SLC8A1: variants seen among roughly 807,000 people sequenced by gnomAD.
SLC8A1 encodes sodium/calcium exchanger 1.
SLC8A1 carries 18 observed loss-of-function variants against 68.3 expected under a neutral mutation model. The observed-to-expected ratio is 0.26, with a 90% CI of 0.18 to 0.39. SLC8A1 has a LOEUF of 0.39. Ranked by LOEUF, SLC8A1 falls within the 10% of genes least tolerant of loss-of-function variation. The pLI is 1.00. For synonymous variants in SLC8A1, 475 were observed against 415.5 expected, an observed-to-expected ratio of 1.14 and a Z score of -1.74; for missense variants, 985 against 1,156.7, an observed-to-expected ratio of 0.85 and a Z score of 2.15.
intron 2 of SLC8A1, among the ~76,000 whole-genome samples, chr2:40,344,043 G>T (rs1668496783): frequency 6.6e-6 from 1 of 152,166 alleles, no homozygotes; most frequent in South Asian, 2.1e-4. Context: ...GCAATATAAT[G>T]AATCAGCAGT....
intron 2 of SLC8A1, among the ~76,000 whole-genome samples, chr2:40,257,565 G>GT: frequency 6.6e-6 from 1 of 152,140 alleles, no homozygotes; most frequent in South Asian, 2.1e-4. Context: ...ATCCAAGAGC[G>GT]TATCAGATCA....
intron 6 of SLC8A1, among the ~76,000 whole-genome samples, chr2:40,140,893 A>C (rs1048981066): frequency 3.9e-5 from 6 of 152,254 alleles, no homozygotes; most frequent in African/African-American, 1.4e-4. Flanking sequence ...AAAGAAATGC[A>C]CAAAGCATGC....
chr2:40,137,210 G>C (rs994179756), intron 7 of SLC8A1, among the ~76,000 whole-genome samples: 3 of 152,190 alleles, frequency 2.0e-5, no homozygotes, highest in Admixed American at 6.5e-5. Context: ...GAGACACACA[G>C]AGGCCTTTTG....
intron 2 of SLC8A1, among the ~76,000 whole-genome samples, chr2:40,224,907 G>C (rs1406393550): frequency 1.3e-5 from 2 of 152,130 alleles, no homozygotes; most frequent in Non-Finnish European, 2.9e-5. Context: ...CCAGGCTTGA[G>C]ATGTGCTTAA....
rs75741487 is a variant in SLC8A1 at position 40,299,894 on chromosome 2, G to A, written c.1809-122039C>T. Among the ~76,000 whole-genome samples, 50 of 152,298 alleles carry A rather than the reference G, an allele frequency of 3.3e-4. No individual in the cohort carries two copies. In the East Asian group the frequency reaches 9.5e-3, roughly 29 times the overall value. ...CAAAATAGTGGCAAAATCTCCAGAAGAATCTCCCTATGAGCCTCCCTGAGC... is the reference window on the plus strand; with the variant it reads ...CAAAATAGTGGCAAAATCTCCAGAAAAATCTCCCTATGAGCCTCCCTGAGC... On this transcript the variant is annotated intron_variant, in intron 2 of 7. Coordinates refer to ENST00000406785, the Ensembl canonical transcript of SLC8A1.
At chr2:40,102,497 C>G (rs1420088572) in exon 8 of SLC8A1, 1 of 152,016 alleles carries the variant, frequency 6.6e-6, no homozygotes, top group Non-Finnish European at 1.5e-5. Context: ...AGTTGAGCAA[C>G]TGTCGGGACA....
At chr2:40,127,972 C>A (rs1001152775) in intron 7 of SLC8A1, among the ~76,000 whole-genome samples, 4 of 152,142 alleles carry the variant, frequency 2.6e-5, no homozygotes, top group Non-Finnish European at 5.9e-5. Flanking sequence ...TGCAAAGCAT[C>A]TGATGGATTG....
chr2:40,427,877 G>C (rs1253999922), intron 2 of SLC8A1, among the ~76,000 whole-genome samples: 4 of 152,108 alleles, frequency 2.6e-5, no homozygotes, highest in African/African-American at 9.7e-5. Flanking sequence ...TCCCATGTTG[G>C]CATAACACTG....
At chr2:40,437,264 T>C (rs1699612015) in intron 1 of SLC8A1, among the ~76,000 whole-genome samples, 1 of 152,260 alleles carries the variant, frequency 6.6e-6, no homozygotes, top group South Asian at 2.1e-4. Flanking sequence ...AAGATTTAGG[T>C]ACTTAACCTG....
At chr2:40,288,919 C>T (rs1174924952) in intron 2 of SLC8A1, among the ~76,000 whole-genome samples, 2 of 144,788 alleles carry the variant, frequency 1.4e-5, no homozygotes, top group African/African-American at 5.3e-5. Context: ...GGGCTGGTCT[C>T]AATCTCCTAG....
chr2:40,357,733 A>T (rs976764972), intron 2 of SLC8A1, among the ~76,000 whole-genome samples: 1 of 152,112 alleles, frequency 6.6e-6, no homozygotes, highest in African/African-American at 2.4e-5. Context: ...CAGCATATAG[A>T]ATGCTGAGCT....
intron 2 of SLC8A1, among the ~76,000 whole-genome samples, chr2:40,187,053 T>C (rs2050827688): frequency 6.6e-6 from 1 of 152,194 alleles, no homozygotes. Flanking sequence ...AGGAGCAAAT[T>C]GGCAGATGGT....
At chr2:40,156,719 CCAAA>C (rs1248358391) in intron 6 of SLC8A1, among the ~76,000 whole-genome samples, 2 of 151,682 alleles carry the variant, frequency 1.3e-5, no homozygotes, top group African/African-American at 4.8e-5. Flanking sequence ...GCTCCAATAT[CCAAA>C]CAAATATCTA....
chr2:40,396,480 TAGA>T (rs1338716742), intron 2 of SLC8A1, among the ~76,000 whole-genome samples: 1 of 151,968 alleles, frequency 6.6e-6, no homozygotes, highest in East Asian at 1.9e-4. Flanking sequence ...TTAAGATAAT[TAGA>T]AGATGATGAT....
intron 2 of SLC8A1, among the ~76,000 whole-genome samples, chr2:40,344,074 G>C (rs1014981627): frequency 7.2e-5 from 11 of 152,156 alleles, no homozygotes; most frequent in East Asian, 1.9e-4. Context: ...GATGACAGGA[G>C]AGATGGTCAA....
chr2:40,175,145 A>T, intron 3 of SLC8A1, 116 bp downstream of exon 4: 1 of 1,096,200 alleles, frequency 9.1e-7, no homozygotes, highest in Non-Finnish European at 1.4e-6. Flanking sequence ...GGCCCTAAAC[A>T]ACAATCTTGC....
At chr2:40,101,399 G>C (rs998485530) in exon 8 of SLC8A1, 1 of 152,096 alleles carries the variant, frequency 6.6e-6, no homozygotes, top group Admixed American at 6.6e-5. Flanking sequence ...CAGTGGTTTA[G>C]CATTAAGACA....
intron 1 of SLC8A1, among the ~76,000 whole-genome samples, chr2:40,497,757 C>G (rs1168008881): frequency 6.6e-6 from 1 of 151,986 alleles, no homozygotes; most frequent in Non-Finnish European, 1.5e-5. Context: ...ACTGGCAGAA[C>G]TACAATTTCA....
chr2:40,440,778 T>C (rs963362456), intron 1 of SLC8A1, among the ~76,000 whole-genome samples: 2 of 152,150 alleles, frequency 1.3e-5, no homozygotes, highest in African/African-American at 4.8e-5. Flanking sequence ...ATGGGACATC[T>C]CAAAATAATA....
Sources: gnomAD v4.1 joint callset for allele counts (sites outside exome capture counted in the v4.1 genomes callset) on GRCh38, gnomAD v4.1.1 for gene constraint, MANE v1.5 for transcripts, NCBI Gene and HGNC (gene_info 2026-07-23, HGNC 2026-07-21) for gene names.